The following MAS1 variants were observed in gnomAD, a reference collection of about 807,000 sequenced individuals.
The protein encoded by MAS1 is proto-oncogene Mas.
For synonymous variants in MAS1, 163 were observed against 164.2 expected (o/e 0.99, Z 0.05); for missense variants, 387 against 409.7 (o/e 0.94, Z 0.48).
At chr6:159,906,872 C>A in intron 2 of MAS1, 48 bp from the exon 3 acceptor site, 4 of 1,418,020 alleles carry the variant, frequency 2.8e-6, no homozygotes, top group Non-Finnish European at 3.8e-6. Context: ...TCCAATTCAA[C>A]AATTTTCATG....
Position 159,908,121 on chromosome 6 carries a change from G to T in MAS1, c.*188G>T. The stretch of plus-strand genomic sequence containing the variant: ...CTTCTGGAAATGACCTGTCATTTCT[G>T]TACTTGACAAAGACTCTATTTCTTT... On this transcript the variant is annotated 3_prime_UTR_variant, in exon 3 of 3. Coordinates refer to ENST00000674077, the MANE Select transcript of MAS1 (RefSeq NM_002377.4). 3.6e-6 allele frequency: 2 copies of T among 552,304 alleles called. No individual in the cohort carries two copies. The highest frequency in any genetic ancestry group is 5.9e-6 in the Non-Finnish European group (2 of 339,394). The allele number at this position is 552,304 out of a possible 1,614,324, so 34.2% of individuals were successfully genotyped here. A position where few individuals can be genotyped will look rare whatever the true frequency, so the allele number is the denominator to read the frequency against.
intron 2 of MAS1, among the ~76,000 whole-genome samples, chr6:159,902,904 C>T (rs974601386): frequency 2.0e-5 from 3 of 152,160 alleles, no homozygotes; most frequent in Non-Finnish European, 1.5e-5. Flanking sequence ...TATTTCTCAG[C>T]GATTTCAGCA....
In MAS1 at chr6:159,907,226, T is replaced by G; in HGVS notation, c.271T>G (p.Tyr91Asp). The part of the protein sequence containing the change: ...LFCIFILSID[Y>D]ALDYELSSGH... ...CTGTATTTTCATCTTGTCTATCGACTATGCTTTAGATTATGAGCTTTCTTC... is the reference window on the plus strand; with the variant it reads ...CTGTATTTTCATCTTGTCTATCGACGATGCTTTAGATTATGAGCTTTCTTC... The change falls in exon 3 of 3, where the codon TAT becomes GAT. Residue 91 changes from tyrosine to aspartate, a missense_variant. By Grantham distance (160) the Tyr-to-Asp change is radical. Coordinates refer to ENST00000674077, the MANE Select transcript of MAS1 (RefSeq NM_002377.4). The G allele has an allele frequency of 6.2e-7, 1 of 1,614,266 alleles. No individual in the cohort carries two copies. The highest frequency in any genetic ancestry group is 8.5e-7 in the Non-Finnish European group (1 of 1,180,046).
Position 159,899,391 on chromosome 6 carries a change from A to G in MAS1, c.-38A>G, listed in dbSNP as rs1782797391. ...CCCTCCACCCCAGGCTGTCACTGCCAGGTAAACATGCATCCCTGCAAATGC... is the reference window on the plus strand; with the variant it reads ...CCCTCCACCCCAGGCTGTCACTGCCGGGTAAACATGCATCCCTGCAAATGC... On this transcript the variant is annotated splice_region_variant and 5_prime_UTR_variant, in exon 2 of 3. Transcript: ENST00000674077. 1 of 152,308 alleles carries G rather than the reference A, an allele frequency of 6.6e-6. No homozygotes were observed. Among genetic ancestry groups the G allele is most frequent in the African/African-American group, 2.4e-5 (1 of 41,468 alleles). 9.4% of individuals were successfully genotyped at this position (152,308 alleles called of 1,614,324 possible).
intron 1 of MAS1, among the ~76,000 whole-genome samples, chr6:159,898,616 T>TCCTCCTC (rs1782784610): frequency 1.7e-5 from 1 of 57,786 alleles, no homozygotes; most frequent in Non-Finnish European, 3.3e-5. Context: ...TCCTCCTCCT[T>TCCTCCTC]CCTCCTCCTC....
At position 159,910,658 on chromosome 6, in the gene MAS1, A is replaced by G. The variant is rs566465523; in HGVS notation, c.*2725A>G. 1 of 152,318 alleles carries G rather than the reference A, an allele frequency of 6.6e-6. No individual in the cohort carries two copies. The highest frequency in any genetic ancestry group is 2.4e-5 in the African/African-American group (1 of 41,546). The allele number at this position is 152,318 out of a possible 1,614,324, so 9.4% of individuals were successfully genotyped here. Reference sequence around the variant, plus strand: ...TCTCTGGGCTGTTTCCTTTGTACATATAAATAGACTCAAATTGCTTCCACC... The same window carrying G: ...TCTCTGGGCTGTTTCCTTTGTACATGTAAATAGACTCAAATTGCTTCCACC... On this transcript the variant is annotated 3_prime_UTR_variant, in exon 3 of 3. Transcript: ENST00000674077.
chr6:159,889,817 C>G (rs1011364611), upstream of MAS1, among the ~76,000 whole-genome samples: 5 of 152,212 alleles, frequency 3.3e-5, no homozygotes, highest in Non-Finnish European at 7.3e-5. Context: ...GCTCTCTTCT[C>G]TCCCCTTTCT....
intron 1 of MAS1, among the ~76,000 whole-genome samples, chr6:159,895,130 G>T (rs1419608934): frequency 6.6e-6 from 1 of 152,202 alleles, no homozygotes; most frequent in South Asian, 2.1e-4. Context: ...CCCCATGAAT[G>T]GGTGTGTGAA....
rs1233615676 is a variant in MAS1 at position 159,909,635 on chromosome 6, CAG to C, written c.*1704_*1705del. On this transcript the variant is annotated 3_prime_UTR_variant, in exon 3 of 3. Transcript: ENST00000674077. ...ACAGAGCATTTTCCCTGGGAAAGAACAGAATATGGAGATCAGAGCAACTCCCC... is the reference window on the plus strand; with the variant it reads ...ACAGAGCATTTTCCCTGGGAAAGAACAATATGGAGATCAGAGCAACTCCCC... The C allele has an allele frequency of 6.6e-6, 1 of 152,152 alleles. No individual in the cohort carries two copies. Among genetic ancestry groups the C allele is most frequent in the African/African-American group, 2.4e-5 (1 of 41,424 alleles). 9.4% of individuals were successfully genotyped at this position (152,152 alleles called of 1,614,324 possible).
At chr6:159,896,943 G>A (rs1782760478) in intron 1 of MAS1, among the ~76,000 whole-genome samples, 1 of 152,032 alleles carries the variant, frequency 6.6e-6, no homozygotes, top group Non-Finnish European at 1.5e-5. Context: ...GCTCGTTCTT[G>A]GCTCACTGCA....
intron 2 of MAS1, among the ~76,000 whole-genome samples, chr6:159,903,455 G>T (rs1305673592): frequency 2.0e-5 from 3 of 152,146 alleles, no homozygotes; most frequent in Admixed American, 6.5e-5. Context: ...CGGGCTGTAG[G>T]TTAGCCTGGC....
chr6:159,917,359 G>A lies in MAS1; in HGVS notation c.*9426G>A, dbSNP rs181721495. On this transcript the variant is annotated 3_prime_UTR_variant, in exon 3 of 3. Coordinates refer to ENST00000674077, the MANE Select transcript of MAS1 (RefSeq NM_002377.4). The stretch of plus-strand genomic sequence containing the variant: ...ATTCTACATGCTCAGGGACCATTTT[G>A]TTCACTTGTATCAAACTATATTCTC... Among the ~76,000 whole-genome samples the A allele has an allele frequency of 1.6e-4, 24 of 152,304 alleles. No homozygotes were observed. Among genetic ancestry groups the A allele is most frequent in the Admixed American group, 1.4e-3 (22 of 15,304 alleles).
Position 159,916,576 on chromosome 6 carries a change from T to A in MAS1, c.*8643T>A, listed in dbSNP as rs1358514323. 3 of 152,240 alleles carry A rather than the reference T, an allele frequency of 2.0e-5. No individual in the cohort carries two copies. The highest frequency in any genetic ancestry group is 2.0e-4 in the Admixed American group (3 of 15,284). The allele number at this position is 152,240 out of a possible 1,614,324, so 9.4% of individuals were successfully genotyped here. A position where few individuals can be genotyped will look rare whatever the true frequency, so the allele number is the denominator to read the frequency against. On this transcript the variant is annotated 3_prime_UTR_variant, in exon 3 of 3. Coordinates refer to ENST00000674077, the MANE Select transcript of MAS1 (RefSeq NM_002377.4). ...GTTTCTCAGGATGCTGGGCAGCCCA[T>A]GGCCCCGAGACAGGTGCCAAGTCAA...
intron 2 of MAS1, among the ~76,000 whole-genome samples, chr6:159,904,664 C>T (rs949337521): frequency 4.6e-5 from 7 of 152,188 alleles, no homozygotes; most frequent in Admixed American, 6.5e-5. Flanking sequence ...CGAGGCTGTT[C>T]ACGCCTCAGT....
rs1264048694 is a variant in MAS1 at position 159,916,647 on chromosome 6, C to G, written c.*8714C>G. The G allele has an allele frequency of 1.3e-5, 2 of 152,216 alleles. No homozygotes were observed. The highest frequency in any genetic ancestry group is 1.3e-4 in the Admixed American group (2 of 15,286). The allele number at this position is 152,216 out of a possible 1,614,324, so 9.4% of individuals were successfully genotyped here. The stretch of plus-strand genomic sequence containing the variant: ...AAGACAAACCTCCTCTTCATCTTCA[C>G]TCCAGTGAGTGGAGCACTGGCACTG... On this transcript the variant is annotated 3_prime_UTR_variant, in exon 3 of 3. Transcript: ENST00000674077.
rs968004845 is a variant in MAS1 at position 159,916,547 on chromosome 6, G to C, written c.*8614G>C. 2.6e-5 allele frequency: 4 copies of C among 152,314 alleles called. No individual in the cohort carries two copies. Among genetic ancestry groups the C allele is most frequent in the South Asian group, 2.1e-4 (1 of 4,826 alleles). 9.4% of individuals were successfully genotyped at this position (152,314 alleles called of 1,614,324 possible). A position where few individuals can be genotyped will look rare whatever the true frequency, so the allele number is the denominator to read the frequency against. On this transcript the variant is annotated 3_prime_UTR_variant, in exon 3 of 3. Transcript: ENST00000674077. Reference sequence around the variant, plus strand: ...AGTTATTGTACTTTCAAGGCACTCGGTGTGTTTCTCAGGATGCTGGGCAGC... The same window carrying C: ...AGTTATTGTACTTTCAAGGCACTCGCTGTGTTTCTCAGGATGCTGGGCAGC...
At chr6:159,891,778 T>C (rs1310014662) in intron 1 of MAS1, among the ~76,000 whole-genome samples, 1 of 152,146 alleles carries the variant, frequency 6.6e-6, no homozygotes, top group African/African-American at 2.4e-5. Flanking sequence ...CCAGGATACT[T>C]AGGAGTAATT....
chr6:159,906,304 C>T (rs1349858260), intron 2 of MAS1, among the ~76,000 whole-genome samples: 1 of 152,126 alleles, frequency 6.6e-6, no homozygotes, highest in Non-Finnish European at 1.5e-5. Context: ...AGCAGGTGCC[C>T]AGCTTTGTCG....
rs1339039545 is a variant in MAS1, at chr6:159,891,148, C to G, written c.-244+15C>G. ...AAATGACACCAGTGAGTCTGCGTCC[C>G]AGTTTTTCATTGCTTAGCTGTCCTT... On this transcript the variant is annotated intron_variant, in intron 1 of 2. Transcript: ENST00000674077. 6.6e-6 allele frequency among the ~76,000 whole-genome samples: 1 copy of G among 152,222 alleles called. No homozygotes were observed. The highest frequency in any genetic ancestry group is 1.5e-5 in the Non-Finnish European group (1 of 68,038).
Sources: gnomAD v4.1 joint callset for allele counts (sites outside exome capture counted in the v4.1 genomes callset) on GRCh38, gnomAD v4.1.1 for gene constraint, MANE v1.5 for transcripts, NCBI Gene and HGNC (gene_info 2026-07-23, HGNC 2026-07-21) for gene names.